The following GPD2 variants were observed in gnomAD, a reference collection of about 807,000 sequenced individuals.
GPD2 encodes glycerol-3-phosphate dehydrogenase 2.
In GPD2, 54 loss-of-function variants were observed where a neutral mutation model predicts 82.4. The ratio of observed to expected loss-of-function variants is 0.66; its 90% CI spans 0.53 to 0.82. The LOEUF is 0.82. Ranked by LOEUF, GPD2 falls within the 40% of genes least tolerant of loss-of-function variation. The probability of loss-of-function intolerance (pLI) is 0.00; values close to 1 mark genes in which losing one functional copy is unlikely to be tolerated. For synonymous variants in GPD2, 288 were observed against 306.1 expected (o/e 0.94, Z 0.62); for missense variants, 748 against 896.2 (o/e 0.83, Z 2.11).
At chr2:156,430,321 A>G (rs964916400), upstream of GPD2, among the ~76,000 whole-genome samples, 2 of 152,038 alleles carry the variant, frequency 1.3e-5, no homozygotes, top group Non-Finnish European at 2.9e-5. Context: ...TAATTTCCCC[A>G]TTTGGTGGAA....
chr2:156,404,755 G>A, the GPD2 span, among the ~76,000 whole-genome samples: 1 of 149,404 alleles, frequency 6.7e-6, no homozygotes, highest in East Asian at 2.0e-4. Context: ...TCAGGAGGCT[G>A]AGGCAGGAGA....
intron 7 of GPD2, 83 bp downstream of exon 7, chr2:156,549,855 T>A (rs2105334471): frequency 1.0e-6 from 1 of 982,348 alleles, no homozygotes; most frequent in East Asian, 2.6e-5. Flanking sequence ...TTTCTGTCAC[T>A]TCTCTTTCAT....
chr2:156,548,709 A>G (rs1031223880), intron 6 of GPD2, among the ~76,000 whole-genome samples: 1 of 152,174 alleles, frequency 6.6e-6, no homozygotes, highest in African/African-American at 2.4e-5. Flanking sequence ...TCATCCCTTT[A>G]TCAGTATTAT....
At chr2:156,556,296 G>T (rs1364103126) in intron 8 of GPD2, among the ~76,000 whole-genome samples, 1 of 152,078 alleles carries the variant, frequency 6.6e-6, no homozygotes, top group Non-Finnish European at 1.5e-5. Context: ...CATATTTATA[G>T]AAAATACTAG....
rs1236564853 is a variant in GPD2 at position 156,586,244 on chromosome 2, G to C, written c.*3326G>C. On this transcript the variant is annotated 3_prime_UTR_variant, in exon 17 of 17. Transcript: ENST00000438166. Reference sequence around the variant, plus strand: ...AAGTTTGAAAATATTTTTACAAACTGTGTTTTTGATGACACAAAAGTGAAA... The same window carrying C: ...AAGTTTGAAAATATTTTTACAAACTCTGTTTTTGATGACACAAAAGTGAAA... 1 of 124,104 alleles carries C rather than the reference G, an allele frequency of 8.1e-6. No homozygotes were observed. The highest frequency in any genetic ancestry group is 2.1e-4 in the East Asian group (1 of 4,812). The allele number at this position is 124,104 out of a possible 1,614,324, so 7.7% of individuals were successfully genotyped here.
intron 6 of GPD2, among the ~76,000 whole-genome samples, chr2:156,533,545 C>A (rs566230813): frequency 2.6e-4 from 40 of 152,234 alleles, no homozygotes; most frequent in African/African-American, 8.9e-4. Context: ...TTTTAAAAAT[C>A]TGCTCTCCAG....
At chr2:156,441,272 C>T (rs888334357) in intron 1 of GPD2, among the ~76,000 whole-genome samples, 2 of 152,072 alleles carry the variant, frequency 1.3e-5, no homozygotes, top group African/African-American at 4.8e-5. Context: ...TGTAAGTAGG[C>T]CTGTTGTGGT....
upstream of GPD2, among the ~76,000 whole-genome samples, chr2:156,434,179 CTG>C (rs1167430654): frequency 3.3e-5 from 5 of 152,172 alleles, no homozygotes; most frequent in Non-Finnish European, 1.5e-5. Context: ...TCTCAGCTCA[CTG>C]TAACCTCTGC....
At chr2:156,443,805 C>T (rs1682261610) in intron 1 of GPD2, among the ~76,000 whole-genome samples, 1 of 152,184 alleles carries the variant, frequency 6.6e-6, no homozygotes, top group Non-Finnish European at 1.5e-5. Flanking sequence ...CCAATTTCTC[C>T]CTTCCCCCTA....
chr2:156,474,920 G>A (rs1357189447), intron 1 of GPD2, among the ~76,000 whole-genome samples: 1 of 148,902 alleles, frequency 6.7e-6, no homozygotes, highest in African/African-American at 2.5e-5. Flanking sequence ...GGGCAACATA[G>A]CAAGACCTTG....
intron 6 of GPD2, among the ~76,000 whole-genome samples, chr2:156,518,754 A>T (rs1373881860): frequency 1.3e-5 from 2 of 152,196 alleles, no homozygotes; most frequent in Admixed American, 1.3e-4. Flanking sequence ...CCTCATTTAC[A>T]CTATTTGTAA....
intron 1 of GPD2, among the ~76,000 whole-genome samples, chr2:156,465,388 A>T (rs1200248640): frequency 1.6e-5 from 2 of 124,186 alleles, no homozygotes; most frequent in African/African-American, 6.4e-5. Flanking sequence ...TTGAGACAGG[A>T]TCTCATTCTA....
At chr2:156,430,859 G>A (rs1017977254), upstream of GPD2, among the ~76,000 whole-genome samples, 3 of 152,204 alleles carry the variant, frequency 2.0e-5, no homozygotes, top group Non-Finnish European at 4.4e-5. Flanking sequence ...CCCACATGGT[G>A]GGAAAAGGTC....
At chr2:156,506,630 A>G (rs1210473870) in intron 3 of GPD2, among the ~76,000 whole-genome samples, 1 of 151,702 alleles carries the variant, frequency 6.6e-6, no homozygotes, top group East Asian at 1.9e-4. Flanking sequence ...AGCCCATAAA[A>G]TTTTCTCTTT....
intron 2 of GPD2, among the ~76,000 whole-genome samples, chr2:156,493,920 A>G (rs1684271948): frequency 1.1e-5 from 1 of 91,644 alleles, no homozygotes; most frequent in Non-Finnish European, 2.1e-5. Flanking sequence ...CTTGTTATAT[A>G]TATGTATGTG....
chr2:156,573,428 C>A (rs1463185556), intron 13 of GPD2, among the ~76,000 whole-genome samples: 1 of 152,102 alleles, frequency 6.6e-6, no homozygotes, highest in Non-Finnish European at 1.5e-5. Context: ...ACAGAGGCAG[C>A]ACAGGAATGA....
At position 156,523,649 on chromosome 2, in the gene GPD2, T is replaced by C. The variant is rs143055010; in HGVS notation, c.661+10153T>C. 6.6e-3 allele frequency among the ~76,000 whole-genome samples: 998 copies of C among 151,576 alleles called. 12 individuals carry two copies. Among genetic ancestry groups the C allele is most frequent in the African/African-American group, 0.023 (955 of 41,252 alleles). On this transcript the variant is annotated intron_variant, in intron 6 of 16. Coordinates refer to ENST00000438166, the MANE Select transcript of GPD2 (RefSeq NM_000408.5). ...CTTTCAAACACAGCCACACCTAAAT[T>C]GTTCAACAATAATTTCTTTTCTAGA...
chr2:156,438,293 A>G (rs1435844997), intron 1 of GPD2, among the ~76,000 whole-genome samples: 1 of 152,194 alleles, frequency 6.6e-6, no homozygotes, highest in Non-Finnish European at 1.5e-5. Flanking sequence ...TATGGATAAT[A>G]AATGCTATGA....
intron 8 of GPD2, among the ~76,000 whole-genome samples, chr2:156,552,919 A>G (rs1187340186): frequency 3.7e-4 from 27 of 73,934 alleles, no homozygotes; most frequent in African/African-American, 1.3e-3. Context: ...TTTTTTTTTG[A>G]GATGAGGTTT....
Sources: allele counts gnomAD v4.1 joint callset (sites outside exome capture counted in the v4.1 genomes callset), GRCh38; gene constraint gnomAD v4.1.1; transcripts MANE v1.5; gene names NCBI Gene and HGNC (gene_info 2026-07-23, HGNC 2026-07-21).